The following SERTM2 variants were observed in gnomAD, a reference collection of about 807,000 sequenced individuals.
SERTM2 encodes the protein serine-rich and transmembrane domain-containing protein 2.
At chrX:111,516,520 C>T (rs1271977899) in intron 2 of SERTM2, among the ~76,000 whole-genome samples, 4 of 110,784 alleles carry the variant, frequency 3.6e-5, no homozygotes, top group African/African-American at 1.3e-4. Flanking sequence ...GTTTAGTATG[C>T]GTATTCCTGG....
In SERTM2 at chrX:111,519,179, T is replaced by C. The variant is rs756998761; in HGVS notation, c.*49T>C. ...GTGGATCTGGGTAAACCCTTATATA[T>C]GGATGTCCAGGAGAGCTTGCTTTCT... On this transcript the variant is annotated 3_prime_UTR_variant, in exon 3 of 3. Coordinates refer to ENST00000569275, the MANE Select transcript of SERTM2 (RefSeq NM_001354473.2). 5.2e-4 allele frequency: 154 copies of C among 295,297 alleles called. No homozygotes were observed. The highest frequency in any genetic ancestry group is 8.1e-4 in the Non-Finnish European group (137 of 169,482). 24.3% of individuals were successfully genotyped at this position (295,297 alleles called of 1,213,427 possible).
At position 111,518,493 on chromosome X, in the gene SERTM2, T is replaced by G. The variant is rs905447315; in HGVS notation, c.-365T>G. On this transcript the variant is annotated 5_prime_UTR_variant, in exon 3 of 3. Transcript: ENST00000569275. ...ACAGAGCAAAACACTGATATAATAC[T>G]CTAAAAGATTCTTGTTCTAATAACA... The G allele has an allele frequency of 6.6e-6, 1 of 152,101 alleles. No homozygotes were observed. The highest frequency in any genetic ancestry group is 3.1e-5 in the African/African-American group (1 of 32,629). 12.5% of individuals were successfully genotyped at this position (152,101 alleles called of 1,213,427 possible).
intron 2 of SERTM2, among the ~76,000 whole-genome samples, chrX:111,516,725 G>A (rs1366715002): frequency 9.0e-6 from 1 of 111,194 alleles, no homozygotes; most frequent in Non-Finnish European, 1.9e-5. Flanking sequence ...GAAAAATATG[G>A]ATTATGGAAA....
intron 2 of SERTM2, among the ~76,000 whole-genome samples, chrX:111,513,156 C>G (rs1220097886): frequency 1.8e-5 from 2 of 108,745 alleles, no homozygotes; most frequent in East Asian, 5.8e-4. Context: ...TCCTTCTCCC[C>G]CTCATAATCA....
At chrX:111,512,894 C>T (rs1337460375) in intron 2 of SERTM2, among the ~76,000 whole-genome samples, 1 of 111,393 alleles carries the variant, frequency 9.0e-6, no homozygotes, top group African/African-American at 3.3e-5. Flanking sequence ...AATGTTTATA[C>T]TAAAAACACA....
intron 2 of SERTM2, among the ~76,000 whole-genome samples, chrX:111,517,707 C>T (rs1407541522): frequency 1.8e-5 from 2 of 109,543 alleles, no homozygotes; most frequent in African/African-American, 6.7e-5. Context: ...TGGGTCCCAT[C>T]CCAGACCAAT....
At chrX:111,512,837 T>A (rs926991573) in intron 2 of SERTM2, among the ~76,000 whole-genome samples, 1 of 111,566 alleles carries the variant, frequency 9.0e-6, no homozygotes, top group African/African-American at 3.3e-5. Flanking sequence ...CCTATGAGGT[T>A]ATATACACTA....
chrX:111,519,499 TGA>T lies in SERTM2; in HGVS notation c.*370_*371del. ...AAAACAAACAAAGAAGATTTGCTTT[TGA>T]AAGGGCTGATCCTTCAAAGAGGATA... On this transcript the variant is annotated 3_prime_UTR_variant, in exon 3 of 3. Transcript: ENST00000569275. The T allele has an allele frequency of 8.4e-6, 1 of 118,450 alleles. No individual in the cohort carries two copies. The highest frequency in any genetic ancestry group is 2.6e-4 in the East Asian group (1 of 3,914). 9.8% of individuals were successfully genotyped at this position (118,450 alleles called of 1,213,427 possible).
At chrX:111,517,005 G>C (rs766383607) in intron 2 of SERTM2, among the ~76,000 whole-genome samples, 5 of 111,513 alleles carry the variant, frequency 4.5e-5, no homozygotes, top group South Asian at 7.5e-4. Context: ...AAATCATTTT[G>C]GAAGACTTCA....
rs764214179 is a variant in SERTM2, at chrX:111,518,764, G to T, written c.-94G>T. Reference sequence around the variant, plus strand: ...GGTTTTTACCAGATTGTTAGAACACGTCCAATAGATTTAGAGACAGTCTAA... The same window carrying T: ...GGTTTTTACCAGATTGTTAGAACACTTCCAATAGATTTAGAGACAGTCTAA... On this transcript the variant is annotated 5_prime_UTR_variant, in exon 3 of 3. Transcript: ENST00000569275. 2.0e-5 allele frequency: 6 copies of T among 294,542 alleles called. No homozygotes were observed. The East Asian group carries it at 2.4e-4, about 12-fold the overall frequency. The allele number at this position is 294,542 out of a possible 1,213,427, so 24.3% of individuals were successfully genotyped here.
intron 2 of SERTM2, among the ~76,000 whole-genome samples, chrX:111,515,711 C>T (rs1930297548): frequency 9.0e-6 from 1 of 111,425 alleles, no homozygotes; most frequent in Admixed American, 9.5e-5. Context: ...AAAACATTCC[C>T]TGAAGAGTGT....
In SERTM2 at chrX:111,522,301, A is replaced by G. The variant is rs1301763990; in HGVS notation, c.*3171A>G. 1 of 112,209 alleles carries G rather than the reference A, an allele frequency of 8.9e-6. No individual in the cohort carries two copies. Among genetic ancestry groups the G allele is most frequent in the Non-Finnish European group, 1.9e-5 (1 of 53,279 alleles). 9.2% of individuals were successfully genotyped at this position (112,209 alleles called of 1,213,427 possible). A position where few individuals can be genotyped will look rare whatever the true frequency, so the allele number is the denominator to read the frequency against. On this transcript the variant is annotated 3_prime_UTR_variant, in exon 3 of 3. Coordinates refer to ENST00000569275, the MANE Select transcript of SERTM2 (RefSeq NM_001354473.2). ...TTGTTTGAAATTATTAATGTTTGAAATAGATTCATATTGTATAAAAATGGA... is the reference window on the plus strand; with the variant it reads ...TTGTTTGAAATTATTAATGTTTGAAGTAGATTCATATTGTATAAAAATGGA...
At chrX:111,512,636 G>C (rs1428422139) in intron 2 of SERTM2, among the ~76,000 whole-genome samples, 1 of 111,926 alleles carries the variant, frequency 8.9e-6, no homozygotes, top group Admixed American at 9.5e-5. Context: ...TCTGGAACTT[G>C]ATTGGCACTC....
rs1930372021 is a variant in SERTM2, at chrX:111,519,322, A to C, written c.*192A>C. 1 of 263,302 alleles carries C rather than the reference A, an allele frequency of 3.8e-6. No individual in the cohort carries two copies. Among genetic ancestry groups the C allele is most frequent in the Admixed American group, 6.6e-5 (1 of 15,056 alleles). 21.7% of individuals were successfully genotyped at this position (263,302 alleles called of 1,213,427 possible). A position where few individuals can be genotyped will look rare whatever the true frequency, so the allele number is the denominator to read the frequency against. ...GCTTGTGGGCTATCTAAAACGTTTA[A>C]GACTCACTCTGAAAGGAATATAGGA... On this transcript the variant is annotated 3_prime_UTR_variant, in exon 3 of 3. Coordinates refer to ENST00000569275, the MANE Select transcript of SERTM2 (RefSeq NM_001354473.2).
At position 111,521,867 on chromosome X, in the gene SERTM2, C is replaced by A. The variant is rs778000197; in HGVS notation, c.*2737C>A. On this transcript the variant is annotated 3_prime_UTR_variant, in exon 3 of 3. Coordinates refer to ENST00000569275, the MANE Select transcript of SERTM2 (RefSeq NM_001354473.2). The stretch of plus-strand genomic sequence containing the variant: ...AATTCAACCTAATACAAAGACTCAC[C>A]ACATTAATTCTGTAAATAGTAAATT... The A allele has an allele frequency of 2.7e-5, 3 of 111,477 alleles. No individual in the cohort carries two copies. The highest frequency in any genetic ancestry group is 5.6e-5 in the Non-Finnish European group (3 of 53,104). The allele number at this position is 111,477 out of a possible 1,213,427, so 9.2% of individuals were successfully genotyped here.
intron 2 of SERTM2, among the ~76,000 whole-genome samples, chrX:111,514,557 C>A (rs781492780): frequency 2.2e-4 from 24 of 111,067 alleles, no homozygotes; most frequent in Non-Finnish European, 4.4e-4. Flanking sequence ...ATAGAAGGAA[C>A]TGGTCAAACA....
In SERTM2 at chrX:111,511,833, C is replaced by G; in HGVS notation, c.-882C>G. The G allele has an allele frequency of 3.7e-6, 1 of 272,672 alleles. No homozygotes were observed. Among genetic ancestry groups the G allele is most frequent in the Non-Finnish European group, 6.5e-6 (1 of 154,060 alleles). The allele number at this position is 272,672 out of a possible 1,213,427, so 22.5% of individuals were successfully genotyped here. On this transcript the variant is annotated splice_region_variant and 5_prime_UTR_variant, in exon 1 of 3. Transcript: ENST00000569275. ...AGGCATCTGAAGCTGCACTCTGAAG[C>G]TGTAAGTGGTAACTGACATTTTAAG...
chrX:111,518,053 T>C (rs1483047069), intron 2 of SERTM2, 22 bp from the exon 3 acceptor site: 1 of 112,004 alleles, frequency 8.9e-6, no homozygotes, highest in African/African-American at 3.2e-5. Flanking sequence ...CTGAATCTTT[T>C]ATTTTTGTTT....
In SERTM2 at chrX:111,521,199, C is replaced by T. The variant is rs1930406024; in HGVS notation, c.*2069C>T. 1.8e-5 allele frequency: 2 copies of T among 112,100 alleles called. No homozygotes were observed. The highest frequency in any genetic ancestry group is 3.8e-5 in the Non-Finnish European group (2 of 53,198). 9.2% of individuals were successfully genotyped at this position (112,100 alleles called of 1,213,427 possible). On this transcript the variant is annotated 3_prime_UTR_variant, in exon 3 of 3. Transcript: ENST00000569275. ...GAAAATCTATTCTCTGCCCATCTGACCTTCCCAACCCAAATTTCAGGAGAA... is the reference window on the plus strand; with the variant it reads ...GAAAATCTATTCTCTGCCCATCTGATCTTCCCAACCCAAATTTCAGGAGAA...
Sources: allele counts gnomAD v4.1 joint callset (sites outside exome capture counted in the v4.1 genomes callset), GRCh38; gene constraint gnomAD v4.1.1; transcripts MANE v1.5; gene names NCBI Gene and HGNC (gene_info 2026-07-23, HGNC 2026-07-21).